The following SAR1B variants were observed in gnomAD, a reference collection of about 807,000 sequenced individuals.
SAR1B encodes small COPII coat GTPase SAR1B.
A neutral mutation model predicts 26.8 loss-of-function variants in SAR1B; 23 were observed. The observed-to-expected ratio is 0.86, with a 90% CI of 0.62 to 1.22. The LOEUF (loss-of-function observed/expected upper bound fraction) is 1.22. Among genes scored for constraint, SAR1B ranks in the 50% most tolerant of loss-of-function variants. The pLI, the probability that SAR1B is intolerant of heterozygous loss-of-function variation, is 0.00. For missense variants in SAR1B, 196 were observed against 232.8 expected (o/e 0.84, Z 1.03); for synonymous variants, 65 against 80.8 (o/e 0.80, Z 1.05).
chr5:134,606,549 G>A lies in SAR1B; in HGVS notation c.*401C>T, dbSNP rs1447803508. ...ATTATTAACTGTACACTTAAGATAGGTGGACATATAATCTAAAATTTAAAA... is the reference window on the plus strand; with the variant it reads ...ATTATTAACTGTACACTTAAGATAGATGGACATATAATCTAAAATTTAAAA... On this transcript the variant is annotated 3_prime_UTR_variant, in exon 7 of 7. Transcript: ENST00000402673. 4.4e-6 allele frequency: 1 copy of A among 228,546 alleles called. No individual in the cohort carries two copies. Among genetic ancestry groups the A allele is most frequent in the East Asian group, 1.0e-4 (1 of 9,626 alleles). 14.2% of individuals were successfully genotyped at this position (228,546 alleles called of 1,614,324 possible). A position where few individuals can be genotyped will look rare whatever the true frequency, so the allele number is the denominator to read the frequency against.
Position 134,623,993 on chromosome 5 carries a change from G to A in SAR1B, c.27C>T (p.Tyr9=), listed in dbSNP as rs1765455857. 6.2e-7 allele frequency: 1 copy of A among 1,611,436 alleles called. No individual in the cohort carries two copies. Among genetic ancestry groups the A allele is most frequent in the Non-Finnish European group, 8.5e-7 (1 of 1,177,694 alleles). The change falls in exon 2 of 7, where the codon TAC becomes TAT. Residue 9 remains tyrosine, a synonymous_variant. Transcript: ENST00000402673. MSFIFDWI[Y]SGFSSVLQFL... The stretch of plus-strand genomic sequence containing the variant: ...ACTGTAGCACACTGCTGAAACCACT[G>A]TAAATCCAATCAAATATGAAGGACA...
intron 1 of SAR1B, among the ~76,000 whole-genome samples, chr5:134,630,295 A>T (rs1161752725): frequency 1.3e-5 from 2 of 151,858 alleles, no homozygotes; most frequent in African/African-American, 4.8e-5. Context: ...GTTTCTACTA[A>T]AAATACAAGA....
rs144251171 is a variant in SAR1B, at chr5:134,611,713, G to A, written c.244+978C>T. The stretch of plus-strand genomic sequence containing the variant: ...GTATAGCTGAGAGCACTCCAACTGA[G>A]AATGGCTTCCCAAGGGAGGTAGCAG... On this transcript the variant is annotated intron_variant, in intron 4 of 6. Coordinates refer to ENST00000402673, the MANE Select transcript of SAR1B (RefSeq NM_016103.4). 1.4e-3 allele frequency among the ~76,000 whole-genome samples: 215 copies of A among 152,306 alleles called. 2 individuals are homozygous for A. The East Asian group carries it at 0.018, about 13-fold the overall frequency.
At position 134,616,013 on chromosome 5, in the gene SAR1B, G is replaced by A. The variant is rs575686557; in HGVS notation, c.179-3257C>T. Among the ~76,000 whole-genome samples the A allele has an allele frequency of 1.5e-3, 233 of 151,348 alleles. 1 individual carries two copies. Among genetic ancestry groups the A allele is most frequent in the Middle Eastern group, 6.8e-3 (2 of 292 alleles). On this transcript the variant is annotated intron_variant, in intron 3 of 6. Transcript: ENST00000402673. ...AAATTAGCCAGGCGTGGTGGCAGAT[G>A]CCTGTAATCCTAGCTACTAGGGAAG...
intron 1 of SAR1B, among the ~76,000 whole-genome samples, chr5:134,630,262 C>A (rs1023845273): frequency 2.6e-5 from 4 of 151,632 alleles, no homozygotes; most frequent in African/African-American, 9.7e-5. Flanking sequence ...TCGAGACCAG[C>A]CTGACCAAAA....
chr5:134,607,063 T>C lies in SAR1B; in HGVS notation c.484A>G (p.Ser162Gly). Residue 162 changes from serine (S) to glycine (G), a missense_variant, in exon 7 of 7, where the codon AGT becomes GGT. Ser to Gly is a moderately conservative substitution (Grantham distance 56). Coordinates refer to ENST00000402673, the MANE Select transcript of SAR1B (RefSeq NM_016103.4). ...GLYGQTTGKG[S>G]ISLKELNARP... ...GCATTCAGTTCTTTCAGAGATATAC[T>C]CCCCTAGAATAGAAGAGAGACATTT... is the stretch of plus-strand genomic sequence containing the variant. 1 of 1,580,942 alleles carries C rather than the reference T, an allele frequency of 6.3e-7. No individual in the cohort carries two copies. The highest frequency in any genetic ancestry group is 8.7e-7 in the Non-Finnish European group (1 of 1,149,818).
In SAR1B at chr5:134,602,187, C is replaced by T. The variant is rs1190881552; in HGVS notation, c.*4763G>A. 6.6e-6 allele frequency: 1 copy of T among 152,186 alleles called. No individual in the cohort carries two copies. The highest frequency in any genetic ancestry group is 1.5e-5 in the Non-Finnish European group (1 of 68,030). The allele number at this position is 152,186 out of a possible 1,614,324, so 9.4% of individuals were successfully genotyped here. ...GGGGACACACCTGAAACAAAGTTGG[C>T]TTTGGATAACTTCGCTTACTTTCCT... On this transcript the variant is annotated 3_prime_UTR_variant, in exon 7 of 7. Transcript: ENST00000402673.
At chr5:134,614,797 C>T (rs1186268867) in intron 3 of SAR1B, 1 of 152,208 alleles carries the variant, frequency 6.6e-6, no homozygotes, top group Non-Finnish European at 1.5e-5. Flanking sequence ...TCTCTTTGCA[C>T]CATGGTCTGA....
At chr5:134,622,141 C>G (rs1765419808) in intron 2 of SAR1B, among the ~76,000 whole-genome samples, 1 of 152,148 alleles carries the variant, frequency 6.6e-6, no homozygotes, top group Non-Finnish European at 1.5e-5. Context: ...TTCAGGCCAT[C>G]CGTTTTTGAA....
intron 1 of SAR1B, chr5:134,625,720 G>C (rs1247976163): frequency 1.3e-5 from 2 of 152,172 alleles, no homozygotes; most frequent in African/African-American, 4.8e-5. Flanking sequence ...GGAGGTGACA[G>C]ATACTGGAAG....
chr5:134,625,056 A>G (rs1431803770), intron 1 of SAR1B, among the ~76,000 whole-genome samples: 1 of 152,178 alleles, frequency 6.6e-6, no homozygotes, highest in Non-Finnish European at 1.5e-5. Flanking sequence ...TCCCAAGAGG[A>G]GCTTGGACTG....
intron 1 of SAR1B, among the ~76,000 whole-genome samples, chr5:134,629,618 A>C (rs1765562955): frequency 6.6e-6 from 1 of 151,936 alleles, no homozygotes; most frequent in Non-Finnish European, 1.5e-5. Flanking sequence ...AATCGCTTGA[A>C]CCTGGGAGGC....
At chr5:134,615,797 A>G (rs1022449755) in intron 3 of SAR1B, among the ~76,000 whole-genome samples, 4 of 152,084 alleles carry the variant, frequency 2.6e-5, no homozygotes, top group Admixed American at 2.6e-4. Flanking sequence ...AGCCTGGGCG[A>G]CAGAGCAAGA....
At chr5:134,610,573 A>C (rs1261203380) in intron 4 of SAR1B, among the ~76,000 whole-genome samples, 1 of 147,694 alleles carries the variant, frequency 6.8e-6, no homozygotes, top group Non-Finnish European at 1.5e-5. Flanking sequence ...TCTCAAAAAA[A>C]AAAAAAAAAA....
chr5:134,627,720 A>C (rs1356253163), intron 1 of SAR1B, among the ~76,000 whole-genome samples: 1 of 151,840 alleles, frequency 6.6e-6, no homozygotes, highest in Non-Finnish European at 1.5e-5. Context: ...AATGGCGTGA[A>C]ACCAGGAGGC....
intron 1 of SAR1B, among the ~76,000 whole-genome samples, chr5:134,628,900 C>T (rs766354275): frequency 5.9e-5 from 9 of 152,158 alleles, no homozygotes; most frequent in African/African-American, 1.4e-4. Context: ...GAGATCCACT[C>T]GCCTCGGTGT....
intron 2 of SAR1B, among the ~76,000 whole-genome samples, chr5:134,623,121 CAAAA>C (rs70976543): frequency 7.9e-5 from 9 of 113,912 alleles, no homozygotes; most frequent in African/African-American, 3.4e-4. Context: ...GACTCTGTCT[CAAAA>C]AAAAAAAAAA....
chr5:134,625,165 T>A (rs1765474871), intron 1 of SAR1B, among the ~76,000 whole-genome samples: 2 of 152,078 alleles, frequency 1.3e-5, no homozygotes, highest in Non-Finnish European at 2.9e-5. Flanking sequence ...GTATAGAGAA[T>A]TTTTGAGGAG....
chr5:134,612,640 C>CAAA (rs1765233923), intron 4 of SAR1B, 51 bp downstream of exon 4: 1 of 898,164 alleles, frequency 1.1e-6, no homozygotes, highest in African/African-American at 4.5e-5. Flanking sequence ...GTGAGCCTGT[C>CAAA]TAAAAAAAAA....
Sources: allele counts gnomAD v4.1 joint callset (sites outside exome capture counted in the v4.1 genomes callset), GRCh38; gene constraint gnomAD v4.1.1; transcripts MANE v1.5; gene names NCBI Gene and HGNC (gene_info 2026-07-23, HGNC 2026-07-21).